C2CD3: variants seen among roughly 807,000 people sequenced by gnomAD.
C2CD3 encodes C2 domain-containing protein 3.
Under a neutral mutation model 234.0 loss-of-function variants are expected in C2CD3, and 148 were observed. The ratio of observed to expected loss-of-function variants is 0.63; its 90% CI spans 0.55 to 0.72. The LOEUF is 0.72. C2CD3 is among the 30% of genes least tolerant of loss of function. C2CD3 has a pLI of 0.00. For missense variants in C2CD3, 2,577 were observed against 2,811.5 expected (o/e 0.92, Z 1.89); for synonymous variants, 1,000 against 1,035.4 (o/e 0.97, Z 0.66).
intron 14 of C2CD3, 83 bp downstream of exon 14, chr11:74,103,048 G>C: frequency 7.3e-7 from 1 of 1,365,220 alleles, no homozygotes; most frequent in Admixed American, 2.1e-5. Flanking sequence ...GAACATTCTA[G>C]ATTTAAGACG....
chr11:74,113,781 T>A lies in C2CD3; in HGVS notation c.1842A>T (p.Gly614=). 6.4e-7 allele frequency: 1 copy of A among 1,572,896 alleles called. No homozygotes were observed. The highest frequency in any genetic ancestry group is 1.3e-5 in the African/African-American group (1 of 74,150). The change falls in exon 11 of 33, where the codon GGA becomes GGT. Residue 614 remains glycine, a splice_region_variant and synonymous_variant. Transcript: ENST00000334126. ...VRLASSKITD[G]KVKFQQRFVF... ...GCAGAAAACCAGTGTGTCTCTTACT[T>A]CCATCTGTAATTTTACTGGAGGCGA...
chr11:74,103,041 C>CT (rs1465239336), intron 14 of C2CD3, 90 bp downstream of exon 14: 14 of 1,315,754 alleles, frequency 1.1e-5, no homozygotes, highest in Non-Finnish European at 1.3e-5. Flanking sequence ...CTAGTCTGAA[C>CT]ATTCTAGATT....
At chr11:74,020,124 T>C (rs1952027947) in intron 32 of C2CD3, among the ~76,000 whole-genome samples, 2 of 152,216 alleles carry the variant, frequency 1.3e-5, no homozygotes, top group Non-Finnish European at 2.9e-5. Context: ...CCATTCATGA[T>C]GTGGGCAGAG....
At chr11:74,075,692 A>G (rs1306471579) in intron 23 of C2CD3, among the ~76,000 whole-genome samples, 1 of 152,214 alleles carries the variant, frequency 6.6e-6, no homozygotes, top group Admixed American at 6.5e-5. Context: ...CCTGTTTTAG[A>G]TAACCAGTTT....
At chr11:74,105,023 AT>A (rs1956457503) in intron 13 of C2CD3, among the ~76,000 whole-genome samples, 1 of 152,206 alleles carries the variant, frequency 6.6e-6, no homozygotes, top group Non-Finnish European at 1.5e-5. Context: ...GCAAAGTGGT[AT>A]TTACTAAGAC....
At position 74,093,967 on chromosome 11, in the gene C2CD3, T is replaced by C. The variant is rs551946039; in HGVS notation, c.3193A>G (p.Thr1065Ala). ...ITLKPFRTATTLCVPDPIFNS... is the reference protein window; with the variant it reads ...ITLKPFRTATALCVPDPIFNS... ...AAGATGGGATCTGGAACACAGAGTG[T>C]GGTTGCAGTTCTGAAGGGCTTCAGA... Residue 1065 changes from threonine to alanine, a missense_variant, in exon 18 of 33, where the codon ACA becomes GCA. By Grantham distance (58) the Thr-to-Ala change is moderately conservative. Transcript: ENST00000334126. The C allele has an allele frequency of 6.2e-6, 10 of 1,613,812 alleles. No homozygotes were observed. In the East Asian group the frequency reaches 1.8e-4, roughly 29 times the overall value.
rs561561532 is a variant in C2CD3, at chr11:74,114,545, T to C, written c.1569A>G (p.Gln523=). The change falls in exon 10 of 33, where the codon CAA becomes CAG. Residue 523 remains glutamine (Q), a synonymous_variant. Coordinates refer to ENST00000334126, the MANE Select transcript of C2CD3 (RefSeq NM_001286577.2). Reference sequence around the variant, plus strand: ...GTCTATCCACACTTAGTGTCATCGTTTGGGCATCTTCTGGAGTTTCTGAGA... The same window carrying C: ...GTCTATCCACACTTAGTGTCATCGTCTGGGCATCTTCTGGAGTTTCTGAGA... ...QMLSETPEDA[Q]TMTLSVDRLA... 1 of 1,614,006 alleles carries C rather than the reference T, an allele frequency of 6.2e-7. No individual in the cohort carries two copies. The highest frequency in any genetic ancestry group is 1.3e-5 in the African/African-American group (1 of 74,998).
chr11:74,128,454 A>T (rs1957490534), intron 7 of C2CD3: 1 of 152,094 alleles, frequency 6.6e-6, no homozygotes. Context: ...TCATTTCCCA[A>T]ATTCAAGGTC....
At chr11:74,031,466 T>C (rs183299942) in intron 31 of C2CD3, among the ~76,000 whole-genome samples, 12 of 152,334 alleles carry the variant, frequency 7.9e-5, no homozygotes, top group Admixed American at 5.9e-4. Flanking sequence ...TATTGCACAA[T>C]GCCTATTCAT....
intron 12 of C2CD3, chr11:74,108,138 G>T (rs1361669511): frequency 8.1e-6 from 1 of 123,592 alleles, no homozygotes; most frequent in African/African-American, 3.6e-5. Flanking sequence ...GCGACAAAGC[G>T]AGACTCTGTG....
intron 7 of C2CD3, among the ~76,000 whole-genome samples, chr11:74,123,340 A>C (rs1957286907): frequency 6.6e-6 from 1 of 152,190 alleles, no homozygotes; most frequent in African/African-American, 2.4e-5. Flanking sequence ...ATTCAGAAAC[A>C]CACTACTGAC....
At chr11:74,034,720 G>A (rs1228493683) in intron 30 of C2CD3, 4 of 860,656 alleles carry the variant, frequency 4.6e-6, no homozygotes, top group Non-Finnish European at 7.6e-6. Flanking sequence ...TCACCCATAT[G>A]ATAAGGCAGG....
At chr11:74,026,599 G>A (rs1048829604) in intron 32 of C2CD3, among the ~76,000 whole-genome samples, 2 of 152,134 alleles carry the variant, frequency 1.3e-5, no homozygotes, top group Non-Finnish European at 2.9e-5. Context: ...AATCTAACTG[G>A]CTAGGAAAAT....
intron 32 of C2CD3, among the ~76,000 whole-genome samples, chr11:74,015,861 G>A (rs1951860427): frequency 6.7e-6 from 1 of 149,000 alleles, no homozygotes; most frequent in African/African-American, 2.5e-5. Flanking sequence ...GAGTCTAGGA[G>A]TTTGTGACCA....
chr11:74,028,045 T>C lies in C2CD3; in HGVS notation c.6921+242A>G, dbSNP rs1685343. 0.06 allele frequency among the ~76,000 whole-genome samples: 9,102 copies of C among 152,184 alleles called. 854 individuals carry two copies. The highest frequency in any genetic ancestry group is 0.2 in the African/African-American group (8,236 of 41,448). ...TTGCTTTCATGCTTCTGCACAGCTT[T>C]TTTCTTCCCCATGTCAGTCTTGGCT... On this transcript the variant is annotated intron_variant, in intron 32 of 32. Transcript: ENST00000334126.
At chr11:74,133,732 T>C in intron 5 of C2CD3, 175 bp from the exon 6 acceptor site, 1 of 631,200 alleles carries the variant, frequency 1.6e-6, no homozygotes, top group Non-Finnish European at 2.7e-6. Context: ...AAAGAGATGT[T>C]TACTGAGTTT....
chr11:74,080,990 A>G (rs1441750515), intron 22 of C2CD3, among the ~76,000 whole-genome samples: 2 of 152,152 alleles, frequency 1.3e-5, no homozygotes, highest in African/African-American at 4.8e-5. Flanking sequence ...TGGCAGGCAC[A>G]TACACAGTAC....
At chr11:74,117,164 A>G (rs1407304909) in intron 9 of C2CD3, among the ~76,000 whole-genome samples, 3 of 68,132 alleles carry the variant, frequency 4.4e-5, no homozygotes, top group Non-Finnish European at 7.1e-5. Flanking sequence ...ATGAATATAT[A>G]TATATGAATA....
Position 74,049,337 on chromosome 11 carries a change from C to T in C2CD3, c.5361G>A (p.Leu1787=), listed in dbSNP as rs1953557659. The T allele has an allele frequency of 6.2e-7, 1 of 1,613,046 alleles. No homozygotes were observed. Among genetic ancestry groups the T allele is most frequent in the Non-Finnish European group, 8.5e-7 (1 of 1,179,014 alleles). ...TAGGGATGTGAATCTCCATACATACCAGTGATTTTGAGGTCTCCACTCCAC... is the reference window on the plus strand; with the variant it reads ...TAGGGATGTGAATCTCCATACATACTAGTGATTTTGAGGTCTCCACTCCAC... ...ARRGVETSKS[L]IPIYSPFSFP... The change falls in exon 27 of 33, where the codon CTG becomes CTA. Residue 1787 remains leucine, a splice_region_variant and synonymous_variant. Coordinates refer to ENST00000334126, the MANE Select transcript of C2CD3 (RefSeq NM_001286577.2).
Sources: gnomAD v4.1 joint callset for allele counts (sites outside exome capture counted in the v4.1 genomes callset) on GRCh38, gnomAD v4.1.1 for gene constraint, MANE v1.5 for transcripts, NCBI Gene and HGNC (gene_info 2026-07-23, HGNC 2026-07-21) for gene names.